ELMO1: variants seen among roughly 807,000 people sequenced by gnomAD.
ELMO1 encodes engulfment and cell motility protein 1.
In ELMO1, 26 loss-of-function variants were observed where a neutral mutation model predicts 98.9. The ratio of observed to expected loss-of-function variants is 0.26; its 90% CI spans 0.19 to 0.36. The LOEUF is 0.36. ELMO1 is among the 10% of genes least tolerant of loss of function. ELMO1 has a pLI of 1.00. For missense variants in ELMO1, 627 were observed against 935.2 expected (o/e 0.67, Z 4.30); for synonymous variants, 346 against 346.0 (o/e 1.00, Z 0.00).
intron 14 of ELMO1, among the ~76,000 whole-genome samples, chr7:37,125,217 T>C (rs1430849627): frequency 6.6e-6 from 1 of 152,158 alleles, no homozygotes; most frequent in Non-Finnish European, 1.5e-5. Context: ...ATTCAGGACA[T>C]AGGCACGGGC....
intron 1 of ELMO1, among the ~76,000 whole-genome samples, chr7:37,411,064 AG>A (rs1211192727): frequency 1.3e-5 from 2 of 152,360 alleles, no homozygotes; most frequent in African/African-American, 4.8e-5. Flanking sequence ...AACAGGAAGT[AG>A]GAACAAGAAG....
intron 8 of ELMO1, among the ~76,000 whole-genome samples, chr7:37,231,979 A>T (rs1000254221): frequency 1.3e-5 from 2 of 152,004 alleles, no homozygotes; most frequent in Admixed American, 1.3e-4. Flanking sequence ...CAACCTCCCA[A>T]GTAGGCGGGA....
intron 6 of ELMO1, among the ~76,000 whole-genome samples, chr7:37,254,553 A>G (rs1795538761): frequency 6.6e-6 from 1 of 152,248 alleles, no homozygotes; most frequent in African/African-American, 2.4e-5. Flanking sequence ...CTTCTAGGCT[A>G]CAAACCTGTA....
chr7:37,303,540 A>G (rs768694269), intron 4 of ELMO1, among the ~76,000 whole-genome samples: 1 of 152,242 alleles, frequency 6.6e-6, no homozygotes, highest in Admixed American at 6.5e-5. Context: ...GAAACAAATT[A>G]TAAGAATCAC....
chr7:37,112,674 A>T (rs1265367733), intron 14 of ELMO1, among the ~76,000 whole-genome samples: 1 of 152,230 alleles, frequency 6.6e-6, no homozygotes. Context: ...GCTTTATAAA[A>T]TACAAGAAAA....
chr7:36,933,949 C>T (rs1362804256), intron 16 of ELMO1, among the ~76,000 whole-genome samples: 2 of 152,172 alleles, frequency 1.3e-5, no homozygotes, highest in Non-Finnish European at 2.9e-5. Context: ...TTCCGCTAAG[C>T]CTTTTTTGTT....
intron 5 of ELMO1, among the ~76,000 whole-genome samples, 166 bp from the exon 6 acceptor site, chr7:37,259,516 ACACT>A: frequency 6.6e-6 from 1 of 152,192 alleles, no homozygotes; most frequent in Admixed American, 6.6e-5. Flanking sequence ...TCCAACCCAA[ACACT>A]CCACCTTCAG....
intron 1 of ELMO1, among the ~76,000 whole-genome samples, chr7:37,345,803 C>T (rs184606616): frequency 7.9e-5 from 12 of 151,966 alleles, no homozygotes; most frequent in African/African-American, 2.2e-4. Flanking sequence ...TCCTGGCTAA[C>T]GCCGTGAAAC....
intron 14 of ELMO1, among the ~76,000 whole-genome samples, chr7:37,103,639 G>T (rs1253384736): frequency 2.0e-5 from 3 of 151,928 alleles, no homozygotes; most frequent in East Asian, 3.9e-4. Flanking sequence ...TAACTAACCT[G>T]CACGTTGTGC....
intron 1 of ELMO1, among the ~76,000 whole-genome samples, chr7:37,430,732 A>C (rs1368376224): frequency 6.6e-6 from 1 of 152,250 alleles, no homozygotes; most frequent in African/African-American, 2.4e-5. Context: ...GCCGAGGCCA[A>C]AGAATTCTGC....
At chr7:37,118,867 A>G (rs1011129151) in intron 14 of ELMO1, among the ~76,000 whole-genome samples, 6 of 152,190 alleles carry the variant, frequency 3.9e-5, no homozygotes, top group African/African-American at 1.4e-4. Context: ...TGGGTCAGTG[A>G]AGCAAAACAC....
intron 1 of ELMO1, chr7:37,429,251 A>G (rs768234736): frequency 6.6e-6 from 1 of 151,374 alleles, no homozygotes; most frequent in Non-Finnish European, 1.5e-5. Context: ...CTGGGTTTAA[A>G]CTGTCAGGAT....
chr7:36,979,780 G>A (rs1034714269), intron 16 of ELMO1, among the ~76,000 whole-genome samples: 1 of 152,202 alleles, frequency 6.6e-6, no homozygotes, highest in African/African-American at 2.4e-5. Flanking sequence ...CATCTCACCT[G>A]CTGGGACCTG....
At position 37,211,301 on chromosome 7, in the gene ELMO1, C is replaced by T. The variant is rs574388824; in HGVS notation, c.1086+85G>A. On this transcript the variant is annotated intron_variant, in intron 13 of 21. Coordinates refer to ENST00000310758, the MANE Select transcript of ELMO1 (RefSeq NM_014800.11). ...TTCCGTAAAGCGCAAGAGGACCACA[C>T]GCTCGGAAGAGACATCAGTTATGTG... The T allele has an allele frequency of 1.8e-5, 28 of 1,588,884 alleles. No individual in the cohort carries two copies. In the African/African-American group the frequency reaches 2.7e-4, roughly 15 times the overall value.
At chr7:37,165,484 A>G (rs1445549958) in intron 13 of ELMO1, among the ~76,000 whole-genome samples, 1 of 152,062 alleles carries the variant, frequency 6.6e-6, no homozygotes, top group Non-Finnish European at 1.5e-5. Flanking sequence ...TGTCATAAAT[A>G]GCTCTTATTA....
intron 20 of ELMO1, among the ~76,000 whole-genome samples, chr7:36,864,179 C>T (rs1776207379): frequency 3.3e-5 from 5 of 152,174 alleles, no homozygotes; most frequent in African/African-American, 1.2e-4. Context: ...GCACTGCAGC[C>T]CAGATGTGCT....
At chr7:37,026,153 AC>A (rs1794563878) in intron 15 of ELMO1, among the ~76,000 whole-genome samples, 1 of 152,158 alleles carries the variant, frequency 6.6e-6, no homozygotes. Flanking sequence ...TGGCAAATTT[AC>A]TGTGGATATA....
intron 14 of ELMO1, among the ~76,000 whole-genome samples, chr7:37,100,547 C>G (rs1286554163): frequency 6.6e-6 from 1 of 152,192 alleles, no homozygotes; most frequent in Non-Finnish European, 1.5e-5. Context: ...ACTTGCTTGT[C>G]TCTGACACAC....
chr7:37,013,670 T>A, intron 15 of ELMO1: 1 of 485,932 alleles, frequency 2.1e-6, no homozygotes, highest in Non-Finnish European at 3.7e-6. Context: ...CTCATAAAAG[T>A]CAGTCCCTAA....
Sources: gnomAD v4.1 joint callset for allele counts (sites outside exome capture counted in the v4.1 genomes callset) on GRCh38, gnomAD v4.1.1 for gene constraint, MANE v1.5 for transcripts, NCBI Gene and HGNC (gene_info 2026-07-23, HGNC 2026-07-21) for gene names.